The following IL1RL2 variants were observed in gnomAD, a reference collection of about 807,000 sequenced individuals.
The protein encoded by IL1RL2 is interleukin 1 receptor like 2.
Under a neutral mutation model 66.8 loss-of-function variants are expected in IL1RL2, and 68 were observed. The observed-to-expected ratio is 1.02, with a 90% CI of 0.84 to 1.25. The LOEUF (loss-of-function observed/expected upper bound fraction) is 1.25, where lower values mean the gene tolerates loss of function less well. IL1RL2 is among the 50% of genes most tolerant of loss of function. IL1RL2 has a pLI of 0.00. For synonymous variants in IL1RL2, 305 were observed against 264.6 expected (o/e 1.15, Z -1.48); for missense variants, 729 against 709.3 (o/e 1.03, Z -0.32).
chr2:102,221,589 A>G (rs1329187164), intron 8 of IL1RL2, among the ~76,000 whole-genome samples: 1 of 152,086 alleles, frequency 6.6e-6, no homozygotes, highest in Non-Finnish European at 1.5e-5. Context: ...ACACCCAATG[A>G]GTTGCCAAGC....
chr2:102,188,587 C>CAAAA lies in IL1RL2; in HGVS notation c.59-476_59-473dup, dbSNP rs374522339. On this transcript the variant is annotated intron_variant, in intron 2 of 11. Coordinates refer to ENST00000264257, the MANE Select transcript of IL1RL2 (RefSeq NM_003854.4). ...TGGGCGACAGAGAGAGACTCCGTCT[C>CAAAA]AAAAAAAAAAAAAAAAGGAAATTTG... Among the ~76,000 whole-genome samples, 362 of 94,958 alleles carry CAAAA rather than the reference C, an allele frequency of 3.8e-3. 14 individuals carry two copies. Among genetic ancestry groups the CAAAA allele is most frequent in the African/African-American group, 0.015 (339 of 22,624 alleles). 62.3% of individuals were successfully genotyped at this position (94,958 alleles called of 152,430 possible). A position where few individuals can be genotyped will look rare whatever the true frequency, so the allele number is the denominator to read the frequency against.
chr2:102,240,352 C>A, downstream of IL1RL2, among the ~76,000 whole-genome samples: 2 of 130,354 alleles, frequency 1.5e-5, no homozygotes, highest in African/African-American at 2.9e-5. Context: ...CAAATTTCTT[C>A]TTCTCCTCCT....
chr2:102,216,620 T>A (rs1490293725), intron 6 of IL1RL2, among the ~76,000 whole-genome samples: 1 of 151,870 alleles, frequency 6.6e-6, no homozygotes, highest in Non-Finnish European at 1.5e-5. Flanking sequence ...CATTTTGTTA[T>A]TTGTATTCTG....
intron 4 of IL1RL2, among the ~76,000 whole-genome samples, chr2:102,193,039 C>A (rs982503729): frequency 1.3e-5 from 2 of 152,142 alleles, no homozygotes; most frequent in African/African-American, 4.8e-5. Flanking sequence ...ATTATTCATT[C>A]TCTCTTACAC....
At chr2:102,193,931 A>T (rs1687446272) in intron 4 of IL1RL2, among the ~76,000 whole-genome samples, 1 of 152,066 alleles carries the variant, frequency 6.6e-6, no homozygotes, top group African/African-American at 2.4e-5. Flanking sequence ...TATCCTGGGT[A>T]TGATTGTTTG....
intron 9 of IL1RL2, 132 bp from the exon 10 acceptor site, chr2:102,232,831 C>G: frequency 1.1e-6 from 1 of 946,788 alleles, no homozygotes; most frequent in East Asian, 2.6e-5. Flanking sequence ...GGCACCAAGT[C>G]AGCCAACTGG....
intron 9 of IL1RL2, among the ~76,000 whole-genome samples, chr2:102,228,597 G>A (rs62151687): frequency 0.056 from 8,481 of 152,198 alleles, 307 homozygotes; most frequent in Non-Finnish European, 0.068. Context: ...AAAATGCCTC[G>A]CCTTACTCCA....
intron 5 of IL1RL2, among the ~76,000 whole-genome samples, chr2:102,211,378 T>A (rs1227786108): frequency 6.6e-6 from 1 of 151,784 alleles, no homozygotes; most frequent in African/African-American, 2.4e-5. Flanking sequence ...TAAAGTTTGG[T>A]GGTAGGATGA....
At chr2:102,187,435 C>G (rs1195192408) in intron 1 of IL1RL2, 2 of 1,070,516 alleles carry the variant, frequency 1.9e-6, no homozygotes, top group African/African-American at 3.3e-5. Context: ...CACAGGCGCG[C>G]AGGGGAGGCT....
intron 10 of IL1RL2, among the ~76,000 whole-genome samples, chr2:102,234,378 A>G (rs1292239997): frequency 6.6e-6 from 1 of 152,210 alleles, no homozygotes; most frequent in Non-Finnish European, 1.5e-5. Context: ...ATTCATGACT[A>G]TAGAGGACCA....
intron 11 of IL1RL2, 92 bp downstream of exon 11, chr2:102,235,369 T>C: frequency 6.5e-7 from 1 of 1,529,724 alleles, no homozygotes; most frequent in Non-Finnish European, 8.8e-7. Context: ...ACACGTTTCA[T>C]CGGGGCCGTC....
At chr2:102,232,664 G>T (rs913831606) in intron 9 of IL1RL2, among the ~76,000 whole-genome samples, 16 of 152,138 alleles carry the variant, frequency 1.1e-4, no homozygotes, top group Admixed American at 9.2e-4. Flanking sequence ...AGGGAGTGGT[G>T]GACTTAGACT....
chr2:102,195,724 T>C (rs1378461001), intron 4 of IL1RL2, among the ~76,000 whole-genome samples: 1 of 149,020 alleles, frequency 6.7e-6, no homozygotes, highest in African/African-American at 2.5e-5. Flanking sequence ...TTTTTTTTTT[T>C]CTTTTTTCAG....
intron 6 of IL1RL2, among the ~76,000 whole-genome samples, chr2:102,217,646 A>G (rs1271489936): frequency 6.6e-6 from 1 of 152,322 alleles, no homozygotes; most frequent in Admixed American, 6.5e-5. Context: ...CAGCCAACTG[A>G]TATTTGACAA....
intron 1 of IL1RL2, 103 bp downstream of exon 1, chr2:102,187,189 G>A: frequency 8.1e-7 from 1 of 1,239,986 alleles, no homozygotes; most frequent in South Asian, 1.3e-5. Flanking sequence ...TGCCACCGCA[G>A]GCCAGGGATC....
intron 4 of IL1RL2, among the ~76,000 whole-genome samples, chr2:102,195,629 C>CTTTTTCTTTCTT (rs1379287788): frequency 5.8e-5 from 1 of 17,322 alleles, no homozygotes; most frequent in Admixed American, 5.1e-4. Context: ...TTCTTTCTTT[C>CTTTTTCTTTCTT]TCTCTCTCTC....
At chr2:102,211,647 A>G (rs1215311206) in intron 5 of IL1RL2, among the ~76,000 whole-genome samples, 5 of 152,228 alleles carry the variant, frequency 3.3e-5, no homozygotes, top group Non-Finnish European at 5.9e-5. Flanking sequence ...GGACAAAACT[A>G]TAGAAATAGG....
Position 102,210,045 on chromosome 2 carries a change from G to A in IL1RL2, c.650-2055G>A, listed in dbSNP as rs1365168864. Among the ~76,000 whole-genome samples the A allele has an allele frequency of 1.3e-4, 10 of 79,840 alleles. No individual in the cohort carries two copies. In the South Asian group the frequency reaches 1.6e-3, roughly 13 times the overall value. 52.4% of individuals were successfully genotyped at this position (79,840 alleles called of 152,430 possible). A position where few individuals can be genotyped will look rare whatever the true frequency, so the allele number is the denominator to read the frequency against. On this transcript the variant is annotated intron_variant, in intron 5 of 11. Transcript: ENST00000264257. ...GTGTAATTATAGGGAAGATGAAAGC[G>A]TGAAGGAAAGGAAAAATCTGAGCTC...
At chr2:102,218,265 T>A (rs2104826957) in intron 6 of IL1RL2, among the ~76,000 whole-genome samples, 1 of 152,344 alleles carries the variant, frequency 6.6e-6, no homozygotes, top group East Asian at 1.9e-4. Flanking sequence ...TTGGTACATG[T>A]GTGTTATATT....
Sources: gnomAD v4.1 joint callset for allele counts (sites outside exome capture counted in the v4.1 genomes callset) on GRCh38, gnomAD v4.1.1 for gene constraint, MANE v1.5 for transcripts, NCBI Gene and HGNC (gene_info 2026-07-23, HGNC 2026-07-21) for gene names.